The following CTNND2 variants were observed in gnomAD, a reference collection of about 807,000 sequenced individuals.
CTNND2 encodes the protein catenin delta-2.
In CTNND2, 22 loss-of-function variants were observed where a neutral mutation model predicts 144.4. The ratio of observed to expected loss-of-function variants is 0.15; its 90% confidence interval spans 0.11 to 0.22. The LOEUF is 0.22. Among genes scored for constraint, CTNND2 ranks in the 10% least tolerant of loss-of-function variants. The pLI, the probability that CTNND2 is intolerant of heterozygous loss-of-function variation, is 1.00. For synonymous variants in CTNND2, 751 were observed against 695.6 expected (o/e 1.08, Z -1.25); for missense variants, 1,353 against 1,618.8 (o/e 0.84, Z 2.82).
At chr5:11,870,205 C>T (rs1795962563) in intron 1 of CTNND2, among the ~76,000 whole-genome samples, 1 of 152,094 alleles carries the variant, frequency 6.6e-6, no homozygotes. Flanking sequence ...ATTCTGTCCC[C>T]TAGGAGGCAT....
Position 11,230,631 on chromosome 5 carries a change from C to T in CTNND2, c.1761+6060G>A, listed in dbSNP as rs541729296. The stretch of plus-strand genomic sequence containing the variant: ...TCAGATATTCATTCACCCATGAATA[C>T]GGACCACACTAACTTACTGTGTTTG... On this transcript the variant is annotated intron_variant, in intron 10 of 21. Transcript: ENST00000304623. 9.9e-5 allele frequency among the ~76,000 whole-genome samples: 15 copies of T among 152,262 alleles called. No individual in the cohort carries two copies. The East Asian group carries it at 1.9e-3, about 20-fold the overall frequency.
chr5:11,838,853 C>T (rs1794313184), intron 1 of CTNND2, among the ~76,000 whole-genome samples: 1 of 152,114 alleles, frequency 6.6e-6, no homozygotes, highest in Admixed American at 6.6e-5. Context: ...CATAATGGTG[C>T]TTCTTACAAT....
rs769382942 is a variant in CTNND2, at chr5:11,159,614, A to G, written c.2121T>C (p.His707=). Residue 707 remains histidine, a synonymous_variant, in exon 12 of 22, where the codon CAT becomes CAC. Coordinates refer to ENST00000304623, the MANE Select transcript of CTNND2 (RefSeq NM_001332.4). ...PLQDDRKIQL[H]SSQVLRNATG... is the part of the protein sequence containing the mutation. ...TGGCGTTACGCAGCACCTGTGATGA[A>G]TGCAGCTGTATTTTCCGATCATCCT... 6.2e-7 allele frequency: 1 copy of G among 1,613,502 alleles called. No individual in the cohort carries two copies. The highest frequency in any genetic ancestry group is 1.1e-5 in the South Asian group (1 of 90,904).
chr5:11,689,746 A>T (rs953758461), intron 2 of CTNND2, among the ~76,000 whole-genome samples: 1 of 121,182 alleles, frequency 8.3e-6, no homozygotes, highest in Non-Finnish European at 1.5e-5. Flanking sequence ...GTATCTTCAT[A>T]AAAAAAAAGG....
chr5:10,990,179 G>A (rs187036115), intron 19 of CTNND2, among the ~76,000 whole-genome samples: 2 of 152,284 alleles, frequency 1.3e-5, no homozygotes, highest in Non-Finnish European at 2.9e-5. Flanking sequence ...TGTGTAGGTG[G>A]AGAGAATGCC....
chr5:11,599,486 C>T (rs1779674007), intron 2 of CTNND2, among the ~76,000 whole-genome samples: 1 of 152,054 alleles, frequency 6.6e-6, no homozygotes, highest in Admixed American at 6.6e-5. Context: ...AAAGTAACTC[C>T]TTTTGTGTAT....
chr5:11,865,074 T>C (rs1795693774), intron 1 of CTNND2, among the ~76,000 whole-genome samples: 1 of 151,982 alleles, frequency 6.6e-6, no homozygotes, highest in Non-Finnish European at 1.5e-5. Flanking sequence ...TTTGTATTTT[T>C]AGTAGAGACA....
In CTNND2 at chr5:11,159,647, C is replaced by G. The variant is rs369131247; in HGVS notation, c.2088G>C (p.Ser696=). The change falls in exon 12 of 22, where the codon TCG becomes TCC. Residue 696 remains serine (S), a synonymous_variant. Coordinates refer to ENST00000304623, the MANE Select transcript of CTNND2 (RefSeq NM_001332.4). ...VIIPHSGWEN[S]PLQDDRKIQL... ...GTATTTTCCGATCATCCTGAAGAGG[C>G]GAATTTTCCCAGCCTGAGTGGGGGA... 52 of 1,613,498 alleles carry G rather than the reference C, an allele frequency of 3.2e-5. No individual in the cohort carries two copies. Among genetic ancestry groups the G allele is most frequent in the Non-Finnish European group, 4.4e-5 (52 of 1,179,820 alleles).
intron 9 of CTNND2, among the ~76,000 whole-genome samples, chr5:11,253,049 T>C (rs1416056582): frequency 1.3e-5 from 2 of 152,184 alleles, no homozygotes; most frequent in Non-Finnish European, 2.9e-5. Context: ...ATTTATAATC[T>C]CAGGCAACCT....
intron 21 of CTNND2, among the ~76,000 whole-genome samples, chr5:10,974,728 G>A (rs999974953): frequency 3.9e-5 from 6 of 152,188 alleles, no homozygotes; most frequent in African/African-American, 1.4e-4. Context: ...CTTTTGGGTG[G>A]ACTCAGTGAC....
chr5:11,887,393 A>C (rs557102168), intron 1 of CTNND2, among the ~76,000 whole-genome samples: 4 of 152,248 alleles, frequency 2.6e-5, no homozygotes, highest in African/African-American at 9.6e-5. Flanking sequence ...TTTGCTATTT[A>C]ATTAGAAATC....
chr5:11,762,449 C>T (rs1223913923), intron 1 of CTNND2, among the ~76,000 whole-genome samples: 5 of 152,046 alleles, frequency 3.3e-5, no homozygotes, highest in African/African-American at 4.8e-5. Flanking sequence ...GTACCTGGCA[C>T]AAAATAGACC....
At chr5:11,369,236 G>T (rs1307692121) in intron 7 of CTNND2, among the ~76,000 whole-genome samples, 1 of 152,152 alleles carries the variant, frequency 6.6e-6, no homozygotes, top group Non-Finnish European at 1.5e-5. Context: ...ACACTGAAAT[G>T]ACCACAAAAA....
chr5:11,095,805 A>C (rs908780220), intron 15 of CTNND2, among the ~76,000 whole-genome samples: 1 of 151,958 alleles, frequency 6.6e-6, no homozygotes, highest in African/African-American at 2.4e-5. Context: ...CTTTGTTACT[A>C]ATTTTGAGCA....
At chr5:11,687,604 C>A (rs372566010) in intron 2 of CTNND2, among the ~76,000 whole-genome samples, 1 of 152,188 alleles carries the variant, frequency 6.6e-6, no homozygotes, top group African/African-American at 2.4e-5. Flanking sequence ...TGTATGAAAT[C>A]ATTCCTGCAG....
chr5:11,786,708 T>C (rs985170520), intron 1 of CTNND2, among the ~76,000 whole-genome samples: 1 of 148,874 alleles, frequency 6.7e-6, no homozygotes, highest in Non-Finnish European at 1.5e-5. Flanking sequence ...AAGATCCCTC[T>C]CCTTTAGTTT....
intron 12 of CTNND2, among the ~76,000 whole-genome samples, chr5:11,146,925 C>T (rs996394743): frequency 2.0e-5 from 3 of 152,198 alleles, no homozygotes; most frequent in African/African-American, 7.2e-5. Context: ...AGTTAGTTAT[C>T]TCTCCAACTG....
intron 2 of CTNND2, among the ~76,000 whole-genome samples, chr5:11,604,317 G>T (rs2126346595): frequency 6.6e-6 from 1 of 152,348 alleles, no homozygotes; most frequent in African/African-American, 2.4e-5. Context: ...TCTACTTGCT[G>T]CCGTGAGTTG....
chr5:11,605,950 G>A (rs1280345239), intron 2 of CTNND2, among the ~76,000 whole-genome samples: 3 of 152,134 alleles, frequency 2.0e-5, no homozygotes, highest in African/African-American at 4.8e-5. Flanking sequence ...AAAATAGGGA[G>A]GCTAACCTGG....
Sources: allele counts gnomAD v4.1 joint callset (sites outside exome capture counted in the v4.1 genomes callset), GRCh38; gene constraint gnomAD v4.1.1; transcripts MANE v1.5; gene names NCBI Gene and HGNC (gene_info 2026-07-23, HGNC 2026-07-21).